The following XRRA1 variants were observed in gnomAD, a reference collection of about 807,000 sequenced individuals.
XRRA1 encodes X-ray radiation resistance-associated protein 1.
Under a neutral mutation model 80.2 loss-of-function variants are expected in XRRA1, and 69 were observed. The observed-to-expected ratio is 0.86, with a 90% confidence interval of 0.71 to 1.05. The LOEUF (loss-of-function observed/expected upper bound fraction) is 1.05, where lower values mean the gene tolerates loss of function less well. Among genes scored for constraint, XRRA1 ranks in the 50% least tolerant of loss-of-function variants. The probability of loss-of-function intolerance (pLI) is 0.00; values close to 1 mark genes in which losing one functional copy is unlikely to be tolerated. For missense variants in XRRA1, 967 were observed against 976.4 expected, an observed-to-expected ratio of 0.99 and a Z score of 0.13; for synonymous variants, 348 against 389.9, an observed-to-expected ratio of 0.89 and a Z score of 1.27.
intron 7 of XRRA1, 89 bp downstream of exon 7, chr11:74,927,302 C>A: frequency 2.9e-6 from 2 of 691,226 alleles, no homozygotes; most frequent in East Asian, 3.1e-5. Flanking sequence ...CAGCAAGCCC[C>A]TTCCCAACAG....
intron 10 of XRRA1, among the ~76,000 whole-genome samples, chr11:74,884,707 C>A (rs533751211): frequency 3.3e-5 from 5 of 152,280 alleles, no homozygotes; most frequent in Non-Finnish European, 4.4e-5. Flanking sequence ...GGCCATGAGA[C>A]AATGAACCTT....
chr11:74,883,335 T>G (rs507305), intron 10 of XRRA1, among the ~76,000 whole-genome samples: 96,676 of 152,072 alleles, frequency 0.64, 33,641 homozygotes, highest in Non-Finnish European at 0.78. Context: ...CCCCTTGCGC[T>G]TCCCAAGTGA....
At chr11:74,904,038 CAG>C (rs2054074911) in intron 10 of XRRA1, among the ~76,000 whole-genome samples, 1 of 152,032 alleles carries the variant, frequency 6.6e-6, no homozygotes, top group Admixed American at 6.6e-5. Flanking sequence ...GTATTGTAAA[CAG>C]AAGTCTCTGC....
Position 74,933,793 on chromosome 11 carries a change from G to A in XRRA1, c.351+8C>T, listed in dbSNP as rs772371066. ...CACCCCAATCACATCTTTGCTGGCT[G>A]ACCTCACCTTGGAGAACTTCAGGCC... On this transcript the variant is annotated splice_region_variant and intron_variant, in intron 5 of 18. Transcript: ENST00000684022. 6 of 1,582,034 alleles carry A rather than the reference G, an allele frequency of 3.8e-6. No homozygotes were observed. In the South Asian group the frequency reaches 7.0e-5, roughly 18 times the overall value.
At chr11:74,851,542 T>G (rs987201686) in intron 13 of XRRA1, among the ~76,000 whole-genome samples, 1 of 152,178 alleles carries the variant, frequency 6.6e-6, no homozygotes, top group African/African-American at 2.4e-5. Context: ...GCTCCACTGC[T>G]GACCACTCCA....
intron 10 of XRRA1, among the ~76,000 whole-genome samples, chr11:74,903,194 A>G (rs572848869): frequency 1.3e-5 from 2 of 152,292 alleles, no homozygotes; most frequent in East Asian, 3.9e-4. Flanking sequence ...AAAACTACAT[A>G]TACATATACT....
In XRRA1 at chr11:74,943,512, A is replaced by AGAGAGTAG. The variant is rs1491149536; in HGVS notation, c.-5+1498_-5+1505dup. On this transcript the variant is annotated intron_variant, in intron 2 of 18. Coordinates refer to ENST00000684022, the MANE Select transcript of XRRA1 (RefSeq NM_001378157.1). ...GTGAAGAAAGCTGGAGGCGAGGGGA[A>AGAGAGTAG]GAGAGTAGGAGGGTGTGTGTGTGTG... Among the ~76,000 whole-genome samples the AGAGAGTAG allele has an allele frequency of 2.4e-3, 250 of 105,636 alleles. 2 individuals are homozygous for AGAGAGTAG. Among genetic ancestry groups the AGAGAGTAG allele is most frequent in the African/African-American group, 7.5e-3 (235 of 31,450 alleles). 69.3% of individuals were successfully genotyped at this position (105,636 alleles called of 152,430 possible). A position where few individuals can be genotyped will look rare whatever the true frequency, so the allele number is the denominator to read the frequency against.
chr11:74,940,161 T>C (rs1222841990), intron 3 of XRRA1, among the ~76,000 whole-genome samples: 1 of 152,212 alleles, frequency 6.6e-6, no homozygotes. Flanking sequence ...ATACTTAGTG[T>C]TTCACCTATA....
chr11:74,936,772 T>A, intron 4 of XRRA1, 112 bp downstream of exon 4: 1 of 1,334,736 alleles, frequency 7.5e-7, no homozygotes, highest in Non-Finnish European at 1.0e-6. Context: ...AATATCACTC[T>A]AACAGTTTGG....
intron 10 of XRRA1, among the ~76,000 whole-genome samples, chr11:74,880,120 T>C (rs2047148923): frequency 6.6e-6 from 1 of 152,146 alleles, no homozygotes; most frequent in Non-Finnish European, 1.5e-5. Flanking sequence ...TGGTAAGCTA[T>C]TGATTATTGC....
intron 3 of XRRA1, among the ~76,000 whole-genome samples, chr11:74,938,030 A>C (rs547685499): frequency 1.4e-4 from 22 of 152,328 alleles, no homozygotes; most frequent in African/African-American, 4.8e-4. Context: ...TATGAGAATG[A>C]ATAAAAAGGA....
chr11:74,908,557 T>A (rs551604987), intron 8 of XRRA1, among the ~76,000 whole-genome samples: 1 of 152,340 alleles, frequency 6.6e-6, no homozygotes, highest in African/African-American at 2.4e-5. Context: ...ATATTCTAAA[T>A]GAATGTATTA....
chr11:74,877,175 T>A (rs1391971814), intron 10 of XRRA1, among the ~76,000 whole-genome samples: 1 of 152,238 alleles, frequency 6.6e-6, no homozygotes, highest in Non-Finnish European at 1.5e-5. Flanking sequence ...TAGCCAAGGT[T>A]AACACTAAAG....
At chr11:74,895,288 C>A (rs1224023452) in intron 10 of XRRA1, among the ~76,000 whole-genome samples, 1 of 152,208 alleles carries the variant, frequency 6.6e-6, no homozygotes, top group Non-Finnish European at 1.5e-5. Context: ...AGGGACCTTA[C>A]ATTGAACTCC....
At chr11:74,852,872 GGAC>G (rs2040224907) in intron 12 of XRRA1, among the ~76,000 whole-genome samples, 1 of 152,074 alleles carries the variant, frequency 6.6e-6, no homozygotes, top group Admixed American at 6.5e-5. Context: ...TCAGACCCCT[GGAC>G]ACACTGAAAG....
At chr11:74,903,705 AAAAAT>A (rs1184869813) in intron 10 of XRRA1, among the ~76,000 whole-genome samples, 4 of 152,228 alleles carry the variant, frequency 2.6e-5, no homozygotes, top group African/African-American at 9.6e-5. Flanking sequence ...TCCGTCTCAA[AAAAAT>A]AAAATAAAAA....
At chr11:74,898,976 G>A (rs1258415643) in intron 10 of XRRA1, among the ~76,000 whole-genome samples, 1 of 152,118 alleles carries the variant, frequency 6.6e-6, no homozygotes, top group Admixed American at 6.6e-5. Context: ...TCAGCACATG[G>A]ATCATTTTCA....
intron 10 of XRRA1, among the ~76,000 whole-genome samples, chr11:74,884,665 A>G (rs2048572146): frequency 6.6e-6 from 1 of 151,374 alleles, no homozygotes; most frequent in South Asian, 2.1e-4. Context: ...TCTTAAACTC[A>G]CTCTTTGTGT....
intron 10 of XRRA1, among the ~76,000 whole-genome samples, chr11:74,873,892 T>C (rs894698514): frequency 6.6e-6 from 1 of 152,038 alleles, no homozygotes; most frequent in Non-Finnish European, 1.5e-5. Flanking sequence ...TACAGGATTC[T>C]GCAAACTCAT....
Sources: gnomAD v4.1 joint callset for allele counts (sites outside exome capture counted in the v4.1 genomes callset) on GRCh38, gnomAD v4.1.1 for gene constraint, MANE v1.5 for transcripts, NCBI Gene and HGNC (gene_info 2026-07-23, HGNC 2026-07-21) for gene names.